ATP11B: variants seen among roughly 807,000 people sequenced by gnomAD.
ATP11B encodes ATPase phospholipid transporting 11B (putative).
ATP11B carries 81 observed loss-of-function variants against 157.8 expected under a neutral mutation model. That is an observed-to-expected ratio of 0.51 (90% confidence interval 0.43 to 0.62). The LOEUF (loss-of-function observed/expected upper bound fraction) is 0.62. Among genes scored for constraint, ATP11B ranks in the 20% least tolerant of loss-of-function variants. The pLI is 0.00. For missense variants in ATP11B, 1,165 were observed against 1,402.2 expected (o/e 0.83, Z 2.70); for synonymous variants, 451 against 469.4 (o/e 0.96, Z 0.51).
chr3:182,904,900 A>G (rs1262304734), intron 28 of ATP11B, among the ~76,000 whole-genome samples: 1 of 143,516 alleles, frequency 7.0e-6, no homozygotes, highest in African/African-American at 2.7e-5. Context: ...AAAAAAAAAA[A>G]AAAAAAAAAA....
rs1216021822 is a variant in ATP11B at position 182,859,376 on chromosome 3, T to C, written c.1200+17T>C. 6.5e-7 allele frequency: 1 copy of C among 1,535,808 alleles called. No individual in the cohort carries two copies. Among genetic ancestry groups the C allele is most frequent in the African/African-American group, 1.4e-5 (1 of 72,258 alleles). On this transcript the variant is annotated intron_variant, in intron 12 of 29. Transcript: ENST00000323116. ...CTTGGACAGGTGAAAATGATCCTAA[T>C]ATTTTGTTTCTCTAATTTGTTATTT...
At chr3:182,834,149 AGT>A (rs1321827239) in intron 4 of ATP11B, among the ~76,000 whole-genome samples, 1 of 152,186 alleles carries the variant, frequency 6.6e-6, no homozygotes, top group Non-Finnish European at 1.5e-5. Context: ...TGTAAAGAAA[AGT>A]GTGCTTTTGA....
intron 8 of ATP11B, among the ~76,000 whole-genome samples, chr3:182,845,054 GA>G (rs930071055): frequency 6.7e-6 from 1 of 148,554 alleles, no homozygotes; most frequent in Non-Finnish European, 1.5e-5. Context: ...ACCCAGGCTG[GA>G]GTGCAGTGGC....
At chr3:182,823,326 T>C (rs1000324966) in intron 2 of ATP11B, among the ~76,000 whole-genome samples, 6 of 152,252 alleles carry the variant, frequency 3.9e-5, no homozygotes, top group Admixed American at 3.9e-4. Context: ...TTCAGCTTTC[T>C]ACATATGGCT....
At chr3:182,839,082 C>T (rs548284166) in intron 7 of ATP11B, among the ~76,000 whole-genome samples, 1 of 151,992 alleles carries the variant, frequency 6.6e-6, no homozygotes, top group Non-Finnish European at 1.5e-5. Flanking sequence ...ACATATACAC[C>T]ACAGAATACT....
Position 182,919,215 on chromosome 3 carries a change from T to A in ATP11B, c.*1111T>A, listed in dbSNP as rs1247025715. The A allele has an allele frequency of 2.0e-5, 3 of 152,606 alleles. No homozygotes were observed. Among genetic ancestry groups the A allele is most frequent in the African/African-American group, 7.2e-5 (3 of 41,452 alleles). The allele number at this position is 152,606 out of a possible 1,614,324, so 9.5% of individuals were successfully genotyped here. On this transcript the variant is annotated 3_prime_UTR_variant, in exon 30 of 30. Transcript: ENST00000323116. ...TAAAGGGTTTCAGTTAATAATCTTA[T>A]TTTCAGGTTATGTCATCTAACTTAT...
intron 19 of ATP11B, among the ~76,000 whole-genome samples, chr3:182,877,498 C>G (rs1207004211): frequency 6.6e-6 from 1 of 152,110 alleles, no homozygotes; most frequent in African/African-American, 2.4e-5. Flanking sequence ...AAAAATTAGA[C>G]GTGTGTGGTG....
At chr3:182,863,842 G>C (rs1721033277) in intron 12 of ATP11B, among the ~76,000 whole-genome samples, 1 of 151,866 alleles carries the variant, frequency 6.6e-6, no homozygotes, top group Non-Finnish European at 1.5e-5. Context: ...ATTTCTGTTT[G>C]ATTGCTAATG....
intron 19 of ATP11B, among the ~76,000 whole-genome samples, chr3:182,875,735 C>G (rs548259576): frequency 4.3e-4 from 65 of 152,264 alleles, no homozygotes; most frequent in African/African-American, 1.5e-3. Flanking sequence ...GCCACCGCAC[C>G]CGGCCCATAT....
intron 21 of ATP11B, among the ~76,000 whole-genome samples, chr3:182,882,055 G>A (rs1722464368): frequency 1.3e-5 from 2 of 152,004 alleles, no homozygotes; most frequent in Non-Finnish European, 2.9e-5. Context: ...TATAAATACA[G>A]AGCAAAATGA....
In ATP11B at chr3:182,913,999, G is replaced by A. The variant is rs1404013458; in HGVS notation, c.3452+5G>A. On this transcript the variant is annotated splice_donor_5th_base_variant and intron_variant, in intron 29 of 29. Transcript: ENST00000323116. The stretch of plus-strand genomic sequence containing the variant: ...TAGTCCAACCCACATCAGCAGGTGT[G>A]AAATCTCTCTAAGTAGCCTTTGCTG... 12 of 1,613,640 alleles carry A rather than the reference G, an allele frequency of 7.4e-6. No homozygotes were observed. The highest frequency in any genetic ancestry group is 8.5e-6 in the Non-Finnish European group (10 of 1,179,790).
chr3:182,879,136 A>C (rs982241353), intron 19 of ATP11B, among the ~76,000 whole-genome samples: 1 of 152,130 alleles, frequency 6.6e-6, no homozygotes, highest in Admixed American at 6.5e-5. Context: ...AGCCAATCAT[A>C]GTGGCTCATG....
chr3:182,917,802 G>T, intron 29 of ATP11B: 1 of 984,534 alleles, frequency 1.0e-6, no homozygotes, highest in Non-Finnish European at 1.2e-6. Flanking sequence ...TTGAATTTTG[G>T]CTAATATTTT....
At chr3:182,862,513 C>G (rs1026395513) in intron 12 of ATP11B, among the ~76,000 whole-genome samples, 1 of 152,166 alleles carries the variant, frequency 6.6e-6, no homozygotes, top group Non-Finnish European at 1.5e-5. Context: ...GGGAATACAC[C>G]TTCCAGCTGT....
intron 28 of ATP11B, among the ~76,000 whole-genome samples, chr3:182,902,252 CTTGT>C (rs1724017380): frequency 6.6e-6 from 1 of 152,164 alleles, no homozygotes; most frequent in Non-Finnish European, 1.5e-5. Flanking sequence ...TTTTCTGAGC[CTTGT>C]TTTTCTCCAG....
chr3:182,911,380 T>A (rs1281181059), intron 28 of ATP11B, among the ~76,000 whole-genome samples: 3 of 150,388 alleles, frequency 2.0e-5, no homozygotes, highest in South Asian at 2.1e-4. Flanking sequence ...GAGCTTTCCC[T>A]CCTGTTTTCT....
intron 15 of ATP11B, 92 bp downstream of exon 15, chr3:182,867,536 T>C (rs1721338505): frequency 3.0e-6 from 2 of 677,796 alleles, no homozygotes; most frequent in Admixed American, 2.9e-5. Flanking sequence ...AGGGCAAATG[T>C]GGCCTATATT....
chr3:182,879,457 A>G, intron 19 of ATP11B, 39 bp from the exon 20 acceptor site: 7 of 1,530,416 alleles, frequency 4.6e-6, no homozygotes, highest in Admixed American at 2.1e-5. Flanking sequence ...ATATGGCTTC[A>G]AAGTATCTTA....
intron 12 of ATP11B, among the ~76,000 whole-genome samples, chr3:182,861,065 CTTTTT>C (rs35183352): frequency 7.3e-6 from 1 of 137,420 alleles, no homozygotes. Context: ...AACAATAATA[CTTTTT>C]TTTTTTTTTT....
Sources: allele counts gnomAD v4.1 joint callset (sites outside exome capture counted in the v4.1 genomes callset), GRCh38; gene constraint gnomAD v4.1.1; transcripts MANE v1.5; gene names NCBI Gene and HGNC (gene_info 2026-07-23, HGNC 2026-07-21).